Variants in IVNS1ABP observed in about 807,000 individuals in gnomAD.
IVNS1ABP encodes the protein influenza virus NS1A-binding protein.
Under a neutral mutation model 78.9 loss-of-function variants are expected in IVNS1ABP, and 25 were observed. The observed-to-expected ratio is 0.32, with a 90% CI of 0.23 to 0.44. The LOEUF (loss-of-function observed/expected upper bound fraction) is 0.44, where lower values mean the gene tolerates loss of function less well. Ranked by LOEUF, IVNS1ABP falls within the 20% of genes least tolerant of loss-of-function variation. IVNS1ABP has a pLI of 1.00. For synonymous variants in IVNS1ABP, 241 were observed against 259.7 expected (o/e 0.93, Z 0.69); for missense variants, 494 against 768.9 (o/e 0.64, Z 4.23).
intron 6 of IVNS1ABP, 116 bp from the exon 7 acceptor site, chr1:185,307,255 T>A: frequency 7.7e-7 from 1 of 1,295,990 alleles, no homozygotes; most frequent in Non-Finnish European, 1.1e-6. Context: ...ACATTTACTC[T>A]AATTTGTAAG....
rs540945611 is a variant in IVNS1ABP at position 185,311,737 on chromosome 1, C to T, written c.-246-415G>A. Among the ~76,000 whole-genome samples the T allele has an allele frequency of 2.6e-5, 4 of 152,326 alleles. No individual in the cohort carries two copies. In the South Asian group the frequency reaches 8.3e-4, roughly 32 times the overall value. On this transcript the variant is annotated intron_variant, in intron 1 of 14. Transcript: ENST00000367498. ...ATTCCCAAGCATATATACTATGTTA[C>T]TGTTCCTCAAAATGAACTCTGCACT... is the stretch of plus-strand genomic sequence containing the variant.
rs1394731656 is a variant in IVNS1ABP, at chr1:185,305,432, A to G, written c.765+104T>C. On this transcript the variant is annotated intron_variant, in intron 8 of 14. Coordinates refer to ENST00000367498, the MANE Select transcript of IVNS1ABP (RefSeq NM_006469.5). This position sits in a 1 kb window ranked among gnomAD's most constrained non-coding sequence, Gnocchi z 4.0. ...AAAATGTTTCTGTCCAGTTATACCA[A>G]TGAAATTGGTCCACTTTCCTTTATT... 4 of 1,249,712 alleles carry G rather than the reference A, an allele frequency of 3.2e-6. No homozygotes were observed. The highest frequency in any genetic ancestry group is 2.5e-5 in the East Asian group (1 of 39,726). The allele number at this position is 1,249,712 out of a possible 1,614,324, so 77.4% of individuals were successfully genotyped here. A position where few individuals can be genotyped will look rare whatever the true frequency, so the allele number is the denominator to read the frequency against.
chr1:185,314,653 A>G (rs1208384418), intron 1 of IVNS1ABP, among the ~76,000 whole-genome samples: 1 of 152,154 alleles, frequency 6.6e-6, no homozygotes, highest in Non-Finnish European at 1.5e-5. Flanking sequence ...GGGATGGTCT[A>G]GAGGAATGAG....
chr1:185,316,838 G>A, intron 1 of IVNS1ABP, 115 bp downstream of exon 1: 1 of 395,220 alleles, frequency 2.5e-6, no homozygotes, highest in Non-Finnish European at 4.5e-6. Context: ...CCCCTGATGA[G>A]GACACCGCTT....
chr1:185,297,390 T>TA lies in IVNS1ABP; in HGVS notation c.*644dup. 1 of 152,264 alleles carries TA rather than the reference T, an allele frequency of 6.6e-6. No homozygotes were observed. The highest frequency in any genetic ancestry group is 2.4e-5 in the African/African-American group (1 of 41,544). The allele number at this position is 152,264 out of a possible 1,614,324, so 9.4% of individuals were successfully genotyped here. ...AACTCTGAAGTTTGCACTCAGAGTT[T>TA]AAAAGACAGACCCCTACTCTGCAAA... On this transcript the variant is annotated 3_prime_UTR_variant, in exon 15 of 15. Coordinates refer to ENST00000367498, the MANE Select transcript of IVNS1ABP (RefSeq NM_006469.5).
At chr1:185,312,381 G>A (rs568972048) in intron 1 of IVNS1ABP, among the ~76,000 whole-genome samples, 6 of 152,210 alleles carry the variant, frequency 3.9e-5, no homozygotes, top group South Asian at 2.1e-4. Flanking sequence ...CCTGAAATAC[G>A]TGCAAATATA....
In IVNS1ABP at chr1:185,298,467, A is replaced by C. The variant is rs1423057438; in HGVS notation, c.1676-179T>G. The C allele has an allele frequency of 1.6e-6, 1 of 613,914 alleles. No homozygotes were observed. Among genetic ancestry groups the C allele is most frequent in the African/African-American group, 1.9e-5 (1 of 53,856 alleles). The allele number at this position is 613,914 out of a possible 1,614,324, so 38.0% of individuals were successfully genotyped here. ...AAATACTCTCTAAGAGCTGGGAATC[A>C]AATCAATAAAAAAACCATTCCCACG... On this transcript the variant is annotated intron_variant, in intron 14 of 14. Transcript: ENST00000367498. The surrounding 1 kb of genome is among the most constrained non-coding windows in gnomAD (Gnocchi z 4.1).
chr1:185,305,691 A>G lies in IVNS1ABP; in HGVS notation c.658-48T>C. ...CCATGTGGCTACGGTCACCATGGCT[A>G]CTCCACTAGTATGCAGATTACACAA... is the stretch of plus-strand genomic sequence containing the variant. On this transcript the variant is annotated intron_variant, in intron 7 of 14. Coordinates refer to ENST00000367498, the MANE Select transcript of IVNS1ABP (RefSeq NM_006469.5). The surrounding 1 kb of genome is among the most constrained non-coding windows in gnomAD (Gnocchi z 4.0). The G allele has an allele frequency of 6.2e-7, 1 of 1,606,048 alleles. No homozygotes were observed. Among genetic ancestry groups the G allele is most frequent in the Non-Finnish European group, 8.5e-7 (1 of 1,175,772 alleles).
At chr1:185,303,084 T>G (rs1665643176) in intron 8 of IVNS1ABP, among the ~76,000 whole-genome samples, 1 of 152,024 alleles carries the variant, frequency 6.6e-6, no homozygotes, top group South Asian at 2.1e-4. Context: ...ACAAGGTACA[T>G]AAAACCTCAT....
At chr1:185,306,334 C>T (rs941494700) in intron 7 of IVNS1ABP, 3 of 522,258 alleles carry the variant, frequency 5.7e-6, no homozygotes, top group Non-Finnish European at 8.8e-6. Context: ...GCTCCACCTG[C>T]GTGTTTTCAA....
chr1:185,301,264 T>C, intron 9 of IVNS1ABP, 68 bp from the exon 10 acceptor site: 9 of 1,447,124 alleles, frequency 6.2e-6, no homozygotes, highest in African/African-American at 1.4e-5. Context: ...TGATCCTGAA[T>C]TGGACTCCAG....
At position 185,300,355 on chromosome 1, in the gene IVNS1ABP, G is replaced by A. The variant is rs1234637381; in HGVS notation, c.1243-12C>T. The stretch of plus-strand genomic sequence containing the variant: ...ACATAGAGCTGGCCCTATGCCAAAA[G>A]TGAGAGATGAGAATTTCTAACATCC... On this transcript the variant is annotated splice_polypyrimidine_tract_variant and intron_variant, in intron 11 of 14. Coordinates refer to ENST00000367498, the MANE Select transcript of IVNS1ABP (RefSeq NM_006469.5). The A allele has an allele frequency of 1.2e-6, 2 of 1,613,314 alleles. No individual in the cohort carries two copies. Among genetic ancestry groups the A allele is most frequent in the African/African-American group, 1.3e-5 (1 of 74,866 alleles).
At chr1:185,299,945 C>A in intron 13 of IVNS1ABP, 54 bp downstream of exon 13, 1 of 1,607,366 alleles carries the variant, frequency 6.2e-7, no homozygotes, top group Non-Finnish European at 8.5e-7. Flanking sequence ...GTATACTACA[C>A]ATACTGTTGA....
chr1:185,310,196 T>C (rs776396449), intron 2 of IVNS1ABP, among the ~76,000 whole-genome samples: 6 of 152,234 alleles, frequency 3.9e-5, no homozygotes, highest in Admixed American at 6.5e-5. Flanking sequence ...TTCTTTCATA[T>C]ATTCTAAATC....
chr1:185,317,015 AGCGGGCGGGAATCG>A lies in IVNS1ABP; in HGVS notation c.-323_-310del. 2.5e-6 allele frequency: 1 copy of A among 398,828 alleles called. No homozygotes were observed. The highest frequency in any genetic ancestry group is 4.4e-6 in the Non-Finnish European group (1 of 226,308). 24.7% of individuals were successfully genotyped at this position (398,828 alleles called of 1,614,324 possible). Reference sequence around the variant, plus strand: ...AGAGCTTCGATGGGAAGCAGGAGGAAGCGGGCGGGAATCGGCCCAACGGAAAGCGCCAGAAGGCG... The same window carrying A: ...AGAGCTTCGATGGGAAGCAGGAGGAAGCCCAACGGAAAGCGCCAGAAGGCG... On this transcript the variant is annotated 5_prime_UTR_variant, in exon 1 of 15. Transcript: ENST00000367498.
chr1:185,311,677 G>C (rs1665888195), intron 1 of IVNS1ABP, among the ~76,000 whole-genome samples: 2 of 152,090 alleles, frequency 1.3e-5, no homozygotes, highest in Admixed American at 6.5e-5. Flanking sequence ...GCAAACATGA[G>C]ATCTGTTTTG....
intron 1 of IVNS1ABP, among the ~76,000 whole-genome samples, chr1:185,312,022 T>G (rs1665902997): frequency 6.6e-6 from 1 of 152,248 alleles, no homozygotes; most frequent in Admixed American, 6.5e-5. Flanking sequence ...TGGGCAAACC[T>G]TCTGTCTTGT....
At chr1:185,304,674 C>T (rs999374847) in intron 8 of IVNS1ABP, among the ~76,000 whole-genome samples, 1 of 152,030 alleles carries the variant, frequency 6.6e-6, no homozygotes, top group Non-Finnish European at 1.5e-5. Context: ...CATAGCCAAA[C>T]TAATTTAATG....
chr1:185,317,233 C>T lies in IVNS1ABP; in HGVS notation c.-527G>A, dbSNP rs981273608. Reference sequence around the variant, plus strand: ...TGAGCGACCGACCTCCACGCGCGACCGGGAGACACTGCCTCCGCCGCCGCC... The same window carrying T: ...TGAGCGACCGACCTCCACGCGCGACTGGGAGACACTGCCTCCGCCGCCGCC... On this transcript the variant is annotated 5_prime_UTR_variant, in exon 1 of 15. Coordinates refer to ENST00000367498, the MANE Select transcript of IVNS1ABP (RefSeq NM_006469.5). 5 of 398,514 alleles carry T rather than the reference C, an allele frequency of 1.3e-5. No homozygotes were observed. Among genetic ancestry groups the T allele is most frequent in the Non-Finnish European group, 2.2e-5 (5 of 226,024 alleles). 24.7% of individuals were successfully genotyped at this position (398,514 alleles called of 1,614,324 possible). A position where few individuals can be genotyped will look rare whatever the true frequency, so the allele number is the denominator to read the frequency against.
Sources: allele counts gnomAD v4.1 joint callset (sites outside exome capture counted in the v4.1 genomes callset), GRCh38; gene constraint gnomAD v4.1.1; non-coding constraint Gnocchi (gnomAD v3.1); transcripts MANE v1.5; gene names NCBI Gene and HGNC (gene_info 2026-07-23, HGNC 2026-07-21).